Variants in PATL1 observed in about 807,000 individuals in gnomAD.
The protein encoded by PATL1 is protein PAT1 homolog 1.
Under a neutral mutation model 100.6 loss-of-function variants are expected in PATL1, and 32 were observed. That is an observed-to-expected ratio of 0.32 (90% CI 0.24 to 0.43). The LOEUF (loss-of-function observed/expected upper bound fraction) is 0.43, where lower values mean the gene tolerates loss of function less well. PATL1 is among the 20% of genes least tolerant of loss of function. The probability of loss-of-function intolerance (pLI) is 1.00; values close to 1 mark genes in which losing one functional copy is unlikely to be tolerated. For missense variants in PATL1, 747 were observed against 949.9 expected (o/e 0.79, Z 2.81); for synonymous variants, 332 against 330.0 (o/e 1.01, Z -0.07).
At chr11:59,660,545 G>A (rs1236370467) in intron 2 of PATL1, among the ~76,000 whole-genome samples, 1 of 152,178 alleles carries the variant, frequency 6.6e-6, no homozygotes, top group East Asian at 1.9e-4. Flanking sequence ...GGAGAAGAGG[G>A]TTCCAGGCAG....
At chr11:59,650,154 C>T (rs1861421848) in intron 13 of PATL1, among the ~76,000 whole-genome samples, 1 of 147,412 alleles carries the variant, frequency 6.8e-6, no homozygotes, top group Admixed American at 6.7e-5. Context: ...AAAAGCAATC[C>T]AAAGAGAAAA....
At chr11:59,666,183 T>C (rs1200069896) in intron 2 of PATL1, among the ~76,000 whole-genome samples, 1 of 151,198 alleles carries the variant, frequency 6.6e-6, no homozygotes, top group East Asian at 2.0e-4. Flanking sequence ...GAGGCGGAGG[T>C]TGCAGTGAGC....
chr11:59,657,634 A>C lies in PATL1; in HGVS notation c.517T>G (p.Leu173Val). ...ATAGGTGAAGTTGACCGCCTTGGTA[A>C]TGCTCGTTCAGAAAGGTCCCGATCA... Reference protein sequence around the residue: ...EDDRDLSERALPRRSTSPIIG... With the variant: ...EDDRDLSERAVPRRSTSPIIG... The change falls in exon 5 of 19, where the codon TTA becomes GTA. Residue 173 changes from leucine (L) to valine (V), a missense_variant. By Grantham distance (32) the Leu-to-Val change is conservative. Around this residue, in one of 4 missense-constraint regions of PATL1, gnomAD observed 183 missense variants for 221.2 expected, o/e 0.83. Transcript: ENST00000300146. 3 of 1,613,468 alleles carry C rather than the reference A, an allele frequency of 1.9e-6. No homozygotes were observed. Among genetic ancestry groups the C allele is most frequent in the Non-Finnish European group, 2.5e-6 (3 of 1,179,814 alleles).
chr11:59,664,563 C>G (rs1861662958), intron 2 of PATL1, among the ~76,000 whole-genome samples: 1 of 152,174 alleles, frequency 6.6e-6, no homozygotes, highest in Non-Finnish European at 1.5e-5. Flanking sequence ...CTATGGTATT[C>G]TATTTTTAAA....
At chr11:59,647,521 G>A (rs903795193) in intron 15 of PATL1, among the ~76,000 whole-genome samples, 1 of 152,190 alleles carries the variant, frequency 6.6e-6, no homozygotes, top group Non-Finnish European at 1.5e-5. Flanking sequence ...ACTATGTCAA[G>A]TAAGAGGGAA....
Position 59,638,989 on chromosome 11 carries a change from C to T in PATL1, c.2291+59G>A, listed in dbSNP as rs1319134735. ...TGAGCCACCGTACCCAGCCTCCCAA[C>T]CATAACTTCTAAAGTCCCAACTTTA... On this transcript the variant is annotated intron_variant, in intron 18 of 18. Transcript: ENST00000300146. 7 of 1,565,760 alleles carry T rather than the reference C, an allele frequency of 4.5e-6. No homozygotes were observed. In the African/African-American group the frequency reaches 8.2e-5, roughly 18 times the overall value.
At chr11:59,659,891 G>A (rs1360243588) in intron 2 of PATL1, among the ~76,000 whole-genome samples, 3 of 152,152 alleles carry the variant, frequency 2.0e-5, no homozygotes, top group African/African-American at 4.8e-5. Flanking sequence ...TAGGTAGAAA[G>A]TTAAGTTTAC....
rs1330767825 is a variant in PATL1, at chr11:59,656,550, A to G, written c.672T>C (p.Tyr224=). Residue 224 remains tyrosine, a synonymous_variant, in exon 6 of 19, where the codon TAT becomes TAC. Transcript: ENST00000300146. ...ACATCCTCTCACCATAGGGAGCAGGATAACGAGGTGGCATTGGGGGCCGAA... is the reference window on the plus strand; with the variant it reads ...ACATCCTCTCACCATAGGGAGCAGGGTAACGAGGTGGCATTGGGGGCCGAA... ...VHVRPPMPPR[Y]PAPYGERMSP... 3.1e-6 allele frequency: 5 copies of G among 1,613,886 alleles called. No individual in the cohort carries two copies. Among genetic ancestry groups the G allele is most frequent in the Non-Finnish European group, 2.5e-6 (3 of 1,179,896 alleles).
Position 59,638,154 on chromosome 11 carries a change from G to A in PATL1, c.*236C>T, listed in dbSNP as rs143829068. On this transcript the variant is annotated 3_prime_UTR_variant, in exon 19 of 19. Coordinates refer to ENST00000300146, the MANE Select transcript of PATL1 (RefSeq NM_152716.3). Reference sequence around the variant, plus strand: ...GAACTGAGTAAAAGTAGGACATGCAGAACTGTAACACAGAAGGTAAAGAAA... The same window carrying A: ...GAACTGAGTAAAAGTAGGACATGCAAAACTGTAACACAGAAGGTAAAGAAA... The A allele has an allele frequency of 1.7e-6, 1 of 572,802 alleles. No individual in the cohort carries two copies. The highest frequency in any genetic ancestry group is 1.9e-5 in the African/African-American group (1 of 53,306). The allele number at this position is 572,802 out of a possible 1,614,324, so 35.5% of individuals were successfully genotyped here. A position where few individuals can be genotyped will look rare whatever the true frequency, so the allele number is the denominator to read the frequency against.
At chr11:59,639,430 C>A in intron 16 of PATL1, 47 bp from the exon 17 acceptor site, 2 of 1,402,434 alleles carry the variant, frequency 1.4e-6, no homozygotes, top group Non-Finnish European at 2.0e-6. Context: ...GTGTCTAAAC[C>A]TCCTCCACCA....
At chr11:59,665,466 A>C (rs1225070289) in intron 2 of PATL1, among the ~76,000 whole-genome samples, 1 of 152,220 alleles carries the variant, frequency 6.6e-6, no homozygotes, top group Non-Finnish European at 1.5e-5. Flanking sequence ...AGTCTAAGCA[A>C]ACATATCTGC....
intron 7 of PATL1, 45 bp from the exon 8 acceptor site, chr11:59,655,785 C>A: frequency 3.3e-6 from 5 of 1,496,500 alleles, no homozygotes; most frequent in Non-Finnish European, 4.6e-6. Context: ...TCAGCAAGTC[C>A]CCTTGCTTTT....
chr11:59,660,277 C>T (rs558182922), intron 2 of PATL1, among the ~76,000 whole-genome samples: 9 of 152,238 alleles, frequency 5.9e-5, no homozygotes, highest in South Asian at 2.1e-4. Flanking sequence ...CTGTTTTAGA[C>T]GCATGGGATA....
chr11:59,638,836 G>A (rs776314800), intron 18 of PATL1, among the ~76,000 whole-genome samples: 5 of 151,888 alleles, frequency 3.3e-5, no homozygotes, highest in Non-Finnish European at 5.9e-5. Context: ...ATGCACCACC[G>A]CACTTGGCTA....
At chr11:59,639,407 C>CA in intron 16 of PATL1, 24 bp from the exon 17 acceptor site, 1 of 1,523,472 alleles carries the variant, frequency 6.6e-7, no homozygotes, top group Non-Finnish European at 8.9e-7. Context: ...CAGAGGGAAT[C>CA]AAACTCAACA....
rs1049746415 is a variant in PATL1 at position 59,637,973 on chromosome 11, T to C, written c.*417A>G. On this transcript the variant is annotated 3_prime_UTR_variant, in exon 19 of 19. Transcript: ENST00000300146. ...TCTTGATTTCTACTTAATTGGCTCT[T>C]CTATAGTCATATTAATATGGGGCAA... The C allele has an allele frequency of 2.3e-5, 5 of 217,398 alleles. No homozygotes were observed. Among genetic ancestry groups the C allele is most frequent in the African/African-American group, 1.1e-4 (5 of 44,508 alleles). 13.5% of individuals were successfully genotyped at this position (217,398 alleles called of 1,614,324 possible).
Position 59,653,991 on chromosome 11 carries a change from C to T in PATL1, c.1113G>A (p.Gln371=). 2 of 1,611,026 alleles carry T rather than the reference C, an allele frequency of 1.2e-6. No individual in the cohort carries two copies. Among genetic ancestry groups the T allele is most frequent in the South Asian group, 1.1e-5 (1 of 91,018 alleles). Residue 371 remains glutamine (Q), a synonymous_variant, in exon 9 of 19, where the codon CAG becomes CAA. Transcript: ENST00000300146. ...ATCGGATGAGTACTTACCTTCTATT[C>T]TGTTGCTGTCTCTGATGCAAGAGTC... ...HRRLLHQRQQ[Q]NRSQHRNLNG... is the part of the protein sequence containing the mutation.
intron 12 of PATL1, among the ~76,000 whole-genome samples, chr11:59,651,070 CT>C (rs899216678): frequency 8.7e-5 from 13 of 149,754 alleles, no homozygotes; most frequent in South Asian, 4.3e-4. Flanking sequence ...ATATGAAAAT[CT>C]TTTTTTTTTC....
At chr11:59,650,127 GAAAAAAAA>G (rs755879524) in intron 13 of PATL1, among the ~76,000 whole-genome samples, 3 of 61,636 alleles carry the variant, frequency 4.9e-5, no homozygotes, top group African/African-American at 6.2e-5. Context: ...ATCTCAAAAG[GAAAAAAAA>G]AAAAAAAAAA....
Sources: allele counts gnomAD v4.1 joint callset (sites outside exome capture counted in the v4.1 genomes callset), GRCh38; gene constraint gnomAD v4.1.1; regional missense constraint gnomAD v4.1.1; transcripts MANE v1.5; gene names NCBI Gene and HGNC (gene_info 2026-07-23, HGNC 2026-07-21).